Variants in SPRED2 observed in about 807,000 individuals in gnomAD.
The protein encoded by SPRED2 is sprouty related EVH1 domain containing 2, also known as sprouty-related, EVH1 domain-containing protein 2.
A neutral mutation model predicts 43.0 loss-of-function variants in SPRED2; 47 were observed. That is an observed-to-expected ratio of 1.09 (90% CI 0.87 to 1.40). The LOEUF (loss-of-function observed/expected upper bound fraction) is 1.40. Among genes scored for constraint, SPRED2 ranks in the 40% most tolerant of loss-of-function variants. The pLI, the probability that SPRED2 is intolerant of heterozygous loss-of-function variation, is 0.00. For missense variants in SPRED2, 561 were observed against 586.4 expected (o/e 0.96, Z 0.45); for synonymous variants, 225 against 225.7 (o/e 1.00, Z 0.03).
intron 2 of SPRED2, among the ~76,000 whole-genome samples, chr2:65,343,860 G>T (rs544560156): frequency 2.4e-4 from 37 of 152,176 alleles, no homozygotes; most frequent in South Asian, 6.2e-4. Context: ...ATTTATAGAA[G>T]TATGGGCCAG....
intron 1 of SPRED2, among the ~76,000 whole-genome samples, chr2:65,378,966 G>A (rs1408868795): frequency 6.6e-6 from 1 of 152,170 alleles, no homozygotes; most frequent in Non-Finnish European, 1.5e-5. Flanking sequence ...AGGGGCAGCT[G>A]GATGCTCTCT....
chr2:65,344,578 G>C (rs546346624), intron 2 of SPRED2, 141 bp downstream of exon 2: 5 of 1,127,430 alleles, frequency 4.4e-6, no homozygotes, highest in Non-Finnish European at 6.6e-6. Context: ...CCAGCTCCGG[G>C]GTTCTAACTT....
In SPRED2 at chr2:65,326,962, TC is replaced by T. The variant is rs557987670; in HGVS notation, c.438+5024del. Among the ~76,000 whole-genome samples, 310 of 152,206 alleles carry T rather than the reference TC, an allele frequency of 2.0e-3. 4 individuals carry two copies. The highest frequency in any genetic ancestry group is 7.2e-3 in the African/African-American group (299 of 41,522). ...CTCAAGAGATCCTCCCACCTCAGCC[TC>T]CCAAGTAGCTGGGACCACAGGAGCA... On this transcript the variant is annotated intron_variant, in intron 4 of 5. Transcript: ENST00000356388.
At chr2:65,403,101 A>G (rs1350264191) in intron 1 of SPRED2, among the ~76,000 whole-genome samples, 1 of 152,226 alleles carries the variant, frequency 6.6e-6, no homozygotes, top group Non-Finnish European at 1.5e-5. Context: ...AGACTTCACT[A>G]AAGGTCCACA....
chr2:65,366,169 T>C (rs1474607433), intron 1 of SPRED2, among the ~76,000 whole-genome samples: 2 of 152,228 alleles, frequency 1.3e-5, no homozygotes, highest in East Asian at 1.9e-4. Context: ...ACAATAGTAA[T>C]TGTTAGACCA....
At chr2:65,325,292 T>G (rs907697514) in intron 4 of SPRED2, among the ~76,000 whole-genome samples, 1 of 152,126 alleles carries the variant, frequency 6.6e-6, no homozygotes, top group Non-Finnish European at 1.5e-5. Flanking sequence ...ACCAGCCCAT[T>G]TGGGAGATCA....
At position 65,313,736 on chromosome 2, in the gene SPRED2, C is replaced by G; in HGVS notation, c.1022G>C (p.Ser341Thr). 1 of 1,614,220 alleles carries G rather than the reference C, an allele frequency of 6.2e-7. No individual in the cohort carries two copies. Among genetic ancestry groups the G allele is most frequent in the Non-Finnish European group, 8.5e-7 (1 of 1,180,034 alleles). Residue 341 changes from serine (S) to threonine (T), a missense_variant, in exon 6 of 6, where the codon AGC (serine) becomes ACC (threonine). Ser to Thr is a moderately conservative substitution (Grantham distance 58, BLOSUM62 1). Around this residue, in one of 6 missense-constraint regions of SPRED2, gnomAD observed 164 missense variants for 164.1 expected, o/e 1.00. Transcript: ENST00000356388. Reference sequence around the variant, plus strand: ...CATGCTGTCCGCGCACCACATGCAGCTCACCCGGCGGATGCAAGTTCTCAC... The same window carrying G: ...CATGCTGTCCGCGCACCACATGCAGGTCACCCGGCGGATGCAAGTTCTCAC... The part of the protein sequence containing the change: ...DSVRTCIRRV[S>T]CMWCADSMLY...
chr2:65,422,104 ACTCT>A (rs71398633), intron 1 of SPRED2, among the ~76,000 whole-genome samples: 12,452 of 128,734 alleles, frequency 0.097, 661 homozygotes, highest in East Asian at 0.2. Context: ...ACACACACAC[ACTCT>A]CTCTCTCTCT....
intron 1 of SPRED2, among the ~76,000 whole-genome samples, chr2:65,350,585 C>T (rs971911306): frequency 9.2e-5 from 14 of 152,188 alleles, no homozygotes; most frequent in Non-Finnish European, 2.1e-4. Context: ...AAGGAAAAAG[C>T]CTTGTGTTCC....
chr2:65,311,553 G>A lies in SPRED2; in HGVS notation c.*1948C>T. ...AAGAGACCCTAGAGAAAGACCCCAA[G>A]GAAGTGCCTCCGGGTCGGGGGAAGG... On this transcript the variant is annotated 3_prime_UTR_variant, in exon 6 of 6. Coordinates refer to ENST00000356388, the MANE Select transcript of SPRED2 (RefSeq NM_181784.3). The A allele has an allele frequency of 2.0e-6, 2 of 985,854 alleles. No individual in the cohort carries two copies. Among genetic ancestry groups the A allele is most frequent in the Non-Finnish European group, 2.4e-6 (2 of 829,936 alleles). 61.1% of individuals were successfully genotyped at this position (985,854 alleles called of 1,614,324 possible). A position where few individuals can be genotyped will look rare whatever the true frequency, so the allele number is the denominator to read the frequency against.
intron 1 of SPRED2, among the ~76,000 whole-genome samples, chr2:65,399,497 C>T (rs1436354217): frequency 2.7e-5 from 4 of 150,748 alleles, no homozygotes; most frequent in Non-Finnish European, 5.9e-5. Context: ...ATTCTTCTGC[C>T]TCAGCCTCCC....
Position 65,313,313 on chromosome 2 carries a change from G to A in SPRED2, c.*188C>T. The A allele has an allele frequency of 1.4e-6, 2 of 1,436,742 alleles. No homozygotes were observed. Among genetic ancestry groups the A allele is most frequent in the Non-Finnish European group, 1.8e-6 (2 of 1,102,100 alleles). The allele number at this position is 1,436,742 out of a possible 1,614,324, so 89.0% of individuals were successfully genotyped here. ...GGATGTGGCTGCTGCAGTGTGGGCG[G>A]CAGGGGGAGTGGAGAGTCTACCCGG... is the stretch of plus-strand genomic sequence containing the variant. On this transcript the variant is annotated 3_prime_UTR_variant, in exon 6 of 6. Coordinates refer to ENST00000356388, the MANE Select transcript of SPRED2 (RefSeq NM_181784.3).
chr2:65,318,357 A>C (rs562160856), intron 4 of SPRED2, among the ~76,000 whole-genome samples: 1 of 152,138 alleles, frequency 6.6e-6, no homozygotes, highest in African/African-American at 2.4e-5. Context: ...ACAACGGAGC[A>C]GGCCAGGCGA....
At chr2:65,379,709 G>T (rs563415150) in intron 1 of SPRED2, among the ~76,000 whole-genome samples, 52 of 152,256 alleles carry the variant, frequency 3.4e-4, no homozygotes, top group African/African-American at 1.1e-3. Context: ...CACTGCAATA[G>T]AGAGCAGGGC....
At chr2:65,360,805 T>A (rs1202411537) in intron 1 of SPRED2, among the ~76,000 whole-genome samples, 1 of 152,216 alleles carries the variant, frequency 6.6e-6, no homozygotes, top group Non-Finnish European at 1.5e-5. Context: ...ATGGTTAAGA[T>A]GATATACGCT....
At chr2:65,418,693 A>G (rs1676347170) in intron 1 of SPRED2, among the ~76,000 whole-genome samples, 12 of 151,992 alleles carry the variant, frequency 7.9e-5, no homozygotes, top group Admixed American at 7.9e-4. Context: ...AGCTGGGACT[A>G]CACATGCACG....
intron 1 of SPRED2, among the ~76,000 whole-genome samples, chr2:65,348,261 T>C (rs1197688045): frequency 1.3e-5 from 2 of 152,206 alleles, no homozygotes; most frequent in South Asian, 2.1e-4. Context: ...CCACTCTATA[T>C]AAAGCAGCAT....
chr2:65,328,634 A>T (rs530105802), intron 4 of SPRED2, among the ~76,000 whole-genome samples: 1 of 152,200 alleles, frequency 6.6e-6, no homozygotes, highest in Non-Finnish European at 1.5e-5. Context: ...CCCTTGGGCC[A>T]GTGAATGGAG....
At chr2:65,408,208 G>GTA (rs1471795927) in intron 1 of SPRED2, among the ~76,000 whole-genome samples, 2 of 152,146 alleles carry the variant, frequency 1.3e-5, no homozygotes, top group African/African-American at 4.8e-5. Context: ...CACCAGTAAT[G>GTA]ATCACCCGGC....
Sources: allele counts gnomAD v4.1 joint callset (sites outside exome capture counted in the v4.1 genomes callset), GRCh38; gene constraint gnomAD v4.1.1; regional missense constraint gnomAD v4.1.1; transcripts MANE v1.5; gene names NCBI Gene and HGNC (gene_info 2026-07-23, HGNC 2026-07-21).